The following DLGAP1 variants were observed in gnomAD, a reference collection of about 807,000 sequenced individuals.
DLGAP1 encodes the protein disks large-associated protein 1.
In DLGAP1, 11 loss-of-function variants were observed where a neutral mutation model predicts 90.8. The observed-to-expected ratio is 0.12, with a 90% CI of 0.08 to 0.20. The LOEUF (loss-of-function observed/expected upper bound fraction) is 0.20, where lower values mean the gene tolerates loss of function less well. Ranked by LOEUF, DLGAP1 falls within the 10% of genes least tolerant of loss-of-function variation. DLGAP1 has a pLI of 1.00. For missense variants in DLGAP1, 1,050 were observed against 1,333.8 expected (o/e 0.79, Z 3.31); for synonymous variants, 558 against 540.7 (o/e 1.03, Z -0.44).
chr18:3,936,378 C>G (rs1398290054), intron 3 of DLGAP1, among the ~76,000 whole-genome samples: 1 of 152,182 alleles, frequency 6.6e-6, no homozygotes, highest in Admixed American at 6.5e-5. Context: ...CCCCACAGAC[C>G]ATGACATTTC....
chr18:3,585,935 C>T (rs144414847), intron 7 of DLGAP1, among the ~76,000 whole-genome samples: 59 of 152,300 alleles, frequency 3.9e-4, no homozygotes, highest in African/African-American at 1.2e-3. Flanking sequence ...TTGTTTCCAA[C>T]GCATGACTGA....
At position 4,167,883 on chromosome 18, in the gene DLGAP1, A is replaced by G. The variant is rs185087844; in HGVS notation, c.-266-16596T>C. Among the ~76,000 whole-genome samples, 129 of 152,326 alleles carry G rather than the reference A, an allele frequency of 8.5e-4. No individual in the cohort carries two copies. The South Asian group carries it at 0.014, about 17-fold the overall frequency. On this transcript the variant is annotated intron_variant, in intron 1 of 12. Coordinates refer to ENST00000315677, the MANE Select transcript of DLGAP1 (RefSeq NM_004746.4). The stretch of plus-strand genomic sequence containing the variant: ...ATGAAGTACCTAGGTACACAAAAAT[A>G]TATGTACAGAATCTGTATGTTGAAC...
intron 4 of DLGAP1, among the ~76,000 whole-genome samples, chr18:3,871,164 C>A (rs1399344829): frequency 1.3e-5 from 2 of 152,238 alleles, no homozygotes; most frequent in Non-Finnish European, 2.9e-5. Flanking sequence ...CCAGGTTCCA[C>A]TGGCAAGATG....
chr18:3,621,322 C>T (rs1197833591), intron 7 of DLGAP1, among the ~76,000 whole-genome samples: 1 of 152,164 alleles, frequency 6.6e-6, no homozygotes, highest in Admixed American at 6.5e-5. Flanking sequence ...TTCATCAAAG[C>T]TGAAGCGGGA....
At chr18:3,654,997 G>C (rs2059431595) in intron 7 of DLGAP1, among the ~76,000 whole-genome samples, 1 of 146,572 alleles carries the variant, frequency 6.8e-6, no homozygotes, top group Admixed American at 6.7e-5. Context: ...GGATTTGCCA[G>C]TCCCATGGGT....
At chr18:3,898,043 C>A (rs895294095) in intron 3 of DLGAP1, among the ~76,000 whole-genome samples, 14 of 152,254 alleles carry the variant, frequency 9.2e-5, no homozygotes, top group African/African-American at 3.4e-4. Flanking sequence ...ATCCGCCCGC[C>A]TTGGCCTCCC....
At chr18:4,319,180 T>A (rs932166389) in intron 1 of DLGAP1, among the ~76,000 whole-genome samples, 7 of 152,158 alleles carry the variant, frequency 4.6e-5, no homozygotes, top group African/African-American at 1.4e-4. Flanking sequence ...ATGGCTTTTT[T>A]AAAACAAAAT....
At chr18:3,591,115 G>T (rs1456073373) in intron 7 of DLGAP1, among the ~76,000 whole-genome samples, 2 of 152,024 alleles carry the variant, frequency 1.3e-5, no homozygotes, top group African/African-American at 4.8e-5. Flanking sequence ...ACCAGAGATA[G>T]GCTGAGAAGC....
chr18:4,057,595 T>C (rs1288752187), intron 2 of DLGAP1, among the ~76,000 whole-genome samples: 1 of 152,226 alleles, frequency 6.6e-6, no homozygotes, highest in Non-Finnish European at 1.5e-5. Flanking sequence ...CTCTTCCAAG[T>C]GTACTTTACT....
chr18:4,113,546 T>C (rs1222997793), intron 2 of DLGAP1, among the ~76,000 whole-genome samples: 2 of 152,098 alleles, frequency 1.3e-5, no homozygotes, highest in Non-Finnish European at 2.9e-5. Flanking sequence ...AGTTTGCAAA[T>C]ATTTTCTCCC....
At chr18:4,384,181 T>C (rs658522) in intron 1 of DLGAP1, among the ~76,000 whole-genome samples, 152,049 of 152,246 alleles carry the variant, frequency 1, 75,927 homozygotes, top group Middle Eastern at 1. Flanking sequence ...AATATCGGCT[T>C]TATCCAAGTT....
At chr18:3,672,551 T>C (rs938116772) in intron 7 of DLGAP1, among the ~76,000 whole-genome samples, 3 of 112,422 alleles carry the variant, frequency 2.7e-5, no homozygotes, top group Non-Finnish European at 4.9e-5. Context: ...CACTCCAGCC[T>C]GGGCAACAAG....
chr18:3,956,588 T>C (rs2073090922), intron 3 of DLGAP1, among the ~76,000 whole-genome samples: 1 of 152,154 alleles, frequency 6.6e-6, no homozygotes, highest in Non-Finnish European at 1.5e-5. Context: ...GACCTCGTGA[T>C]CCACCCGCCT....
At chr18:4,410,188 C>T (rs976131658) in intron 1 of DLGAP1, among the ~76,000 whole-genome samples, 1 of 152,096 alleles carries the variant, frequency 6.6e-6, no homozygotes, top group Non-Finnish European at 1.5e-5. Context: ...TAAAAGACAA[C>T]AAATATGGTG....
At chr18:3,985,413 G>A (rs547660792) in intron 3 of DLGAP1, among the ~76,000 whole-genome samples, 1 of 152,182 alleles carries the variant, frequency 6.6e-6, no homozygotes, top group East Asian at 1.9e-4. Flanking sequence ...TGGCACTCCT[G>A]TGGTTGTCAA....
intron 1 of DLGAP1, among the ~76,000 whole-genome samples, chr18:4,154,535 T>C (rs775139943): frequency 2.8e-4 from 43 of 152,100 alleles, no homozygotes; most frequent in Admixed American, 3.3e-4. Context: ...AACTATTGGC[T>C]GAGAGTGCGG....
chr18:4,265,630 C>T (rs2079104405), intron 1 of DLGAP1, among the ~76,000 whole-genome samples: 1 of 52,402 alleles, frequency 1.9e-5, no homozygotes, highest in Non-Finnish European at 3.1e-5. Context: ...CCTCCCCTTC[C>T]CTCCCTCCCC....
At chr18:3,844,984 C>T (rs1376820034) in intron 4 of DLGAP1, among the ~76,000 whole-genome samples, 1 of 152,108 alleles carries the variant, frequency 6.6e-6, no homozygotes, top group Non-Finnish European at 1.5e-5. Flanking sequence ...TATTAATATA[C>T]ACATTTCATT....
At chr18:3,510,953 A>T (rs1363196591) in intron 10 of DLGAP1, among the ~76,000 whole-genome samples, 1 of 152,236 alleles carries the variant, frequency 6.6e-6, no homozygotes, top group Admixed American at 6.5e-5. Context: ...AACAAGGGAT[A>T]TCTTTCTTCA....
Sources: gnomAD v4.1 joint callset for allele counts (sites outside exome capture counted in the v4.1 genomes callset) on GRCh38, gnomAD v4.1.1 for gene constraint, MANE v1.5 for transcripts, NCBI Gene and HGNC (gene_info 2026-07-23, HGNC 2026-07-21) for gene names.